LILRB2: variants seen among roughly 807,000 people sequenced by gnomAD.
LILRB2 encodes leukocyte immunoglobulin-like receptor subfamily B member 2.
In LILRB2, 47 loss-of-function variants were observed where a neutral mutation model predicts 72.7. The ratio of observed to expected loss-of-function variants is 0.65; its 90% confidence interval spans 0.51 to 0.82. The LOEUF (loss-of-function observed/expected upper bound fraction) is 0.82. LILRB2 is among the 40% of genes least tolerant of loss of function. The probability of loss-of-function intolerance (pLI) is 0.00; values close to 1 mark genes in which losing one functional copy is unlikely to be tolerated. For synonymous variants in LILRB2, 279 were observed against 313.7 expected (o/e 0.89, Z 1.17); for missense variants, 767 against 764.8 (o/e 1.00, Z -0.03).
In LILRB2 at chr19:54,277,614, G is replaced by C. The variant is rs759535414; in HGVS notation, c.1310-17C>G. 7.7e-6 allele frequency: 12 copies of C among 1,559,936 alleles called. No individual in the cohort carries two copies. Among genetic ancestry groups the C allele is most frequent in the Non-Finnish European group, 9.6e-6 (11 of 1,151,270 alleles). On this transcript the variant is annotated splice_polypyrimidine_tract_variant and intron_variant, in intron 8 of 13. Coordinates refer to ENST00000314446, the MANE Select transcript of LILRB2 (RefSeq NM_001080978.4). ...CCTCAGGGCCTGCTGGGTCAGGACG[G>C]GGAGGTGAGGGCTGGGGCTGCCCTG...
At chr19:54,277,721 C>T in intron 8 of LILRB2, 124 bp from the exon 9 acceptor site, 4 of 1,371,428 alleles carry the variant, frequency 2.9e-6, no homozygotes, top group South Asian at 1.3e-5. Flanking sequence ...CCCTCACCAG[C>T]CCAGCCTCAG....
In LILRB2 at chr19:54,279,550, G is replaced by A. The variant is rs144827631; in HGVS notation, c.453C>T (p.Gly151=). Residue 151 remains glycine (G), a synonymous_variant, in exon 5 of 14, where the codon GGC becomes GGT. Transcript: ENST00000314446. ...TLQCESQVAF[G]GFILCKEGED... ...CTCCTTCCTTACACAGAATGAAGCC[G>A]CCAAATGCCACCTGTGACTCACACT... The A allele has an allele frequency of 1.3e-4, 215 of 1,612,860 alleles. 1 individual carries two copies. Among genetic ancestry groups the A allele is most frequent in the Middle Eastern group, 8.3e-4 (5 of 6,060 alleles).
intron 8 of LILRB2, 57 bp from the exon 9 acceptor site, chr19:54,277,654 C>CTGGGG: frequency 6.5e-7 from 1 of 1,533,756 alleles, no homozygotes; most frequent in Non-Finnish European, 8.8e-7. Flanking sequence ...CCACATCAGC[C>CTGGGG]CGGCTGCTCC....
chr19:54,280,180 C>G (rs2080483327), intron 3 of LILRB2, 84 bp downstream of exon 3: 2 of 1,612,486 alleles, frequency 1.2e-6, no homozygotes, highest in Admixed American at 3.3e-5. Flanking sequence ...TCCAGAACTT[C>G]TAATCCCCAT....
In LILRB2 at chr19:54,274,812, G is replaced by T; in HGVS notation, c.1665C>A (p.Ala555=). The change falls in exon 14 of 14, where the codon GCC becomes GCA. Residue 555 remains alanine (A), a synonymous_variant. Coordinates refer to ENST00000314446, the MANE Select transcript of LILRB2 (RefSeq NM_001080978.4). The part of the protein sequence containing the change: ...EMDTRAAASE[A]PQDVTYAQLH... Reference sequence around the variant, plus strand: ...GCTGGGCGTAGGTCACATCCTGGGGGGCTTCAGATGCAGCAGCCTGCAGCG... The same window carrying T: ...GCTGGGCGTAGGTCACATCCTGGGGTGCTTCAGATGCAGCAGCCTGCAGCG... 1 of 1,613,112 alleles carries T rather than the reference G, an allele frequency of 6.2e-7. No individual in the cohort carries two copies. Among genetic ancestry groups the T allele is most frequent in the Non-Finnish European group, 8.5e-7 (1 of 1,179,854 alleles).
At position 54,280,266 on chromosome 19, in the gene LILRB2, GTCTGCAC is replaced by G; in HGVS notation, c.61_67del (p.Val21GlnfsTer16). ...GGGAGAGCTGGGGACAGACTCACCT[GTCTGCAC>G]GCGGGTCCTGGGGCCCAGACTCAGC... On this transcript the variant is annotated frameshift_variant, in exon 3 of 14. Coordinates refer to ENST00000314446, the MANE Select transcript of LILRB2 (RefSeq NM_001080978.4). LOFTEE classifies it high-confidence loss of function. 6.2e-7 allele frequency: 1 copy of G among 1,614,034 alleles called. No homozygotes were observed. Among genetic ancestry groups the G allele is most frequent in the Non-Finnish European group, 8.5e-7 (1 of 1,179,980 alleles).
At chr19:54,279,765 G>A (rs1037480465) in intron 4 of LILRB2, 26 bp downstream of exon 4, 1 of 1,613,090 alleles carries the variant, frequency 6.2e-7, no homozygotes, top group South Asian at 1.1e-5. Flanking sequence ...AGAGCCTGGG[G>A]CTGGGATCCC....
chr19:54,277,473 G>A (rs2080288660), intron 9 of LILRB2, 77 bp downstream of exon 9: 1 of 1,539,176 alleles, frequency 6.5e-7, no homozygotes, highest in Non-Finnish European at 8.8e-7. Context: ...ACCTCCAGAG[G>A]AGCCTGAACC....
Position 54,278,527 on chromosome 19 carries a change from G to C in LILRB2, c.991C>G (p.Pro331Ala), listed in dbSNP as rs1263601514. ...IRGTPFISVQ[P>A]GPTVASGENV... ...TCTCCTGAGGCCACTGTGGGGCCTG[G>C]CTGCACTGAGATGAAGGGTGTGCCA... The change falls in exon 7 of 14, where the codon CCA (proline) becomes GCA (alanine). Residue 331 changes from proline (P) to alanine (A), a missense_variant. Coordinates refer to ENST00000314446, the MANE Select transcript of LILRB2 (RefSeq NM_001080978.4). The C allele has an allele frequency of 3.1e-6, 5 of 1,614,124 alleles. No individual in the cohort carries two copies. Among genetic ancestry groups the C allele is most frequent in the Non-Finnish European group, 4.2e-6 (5 of 1,180,040 alleles).
At chr19:54,277,645 C>T (rs780644981) in intron 8 of LILRB2, 48 bp from the exon 9 acceptor site, 1 of 1,540,610 alleles carries the variant, frequency 6.5e-7, no homozygotes, top group African/African-American at 1.4e-5. Flanking sequence ...CCCTGCTCCC[C>T]ACATCAGCCC....
chr19:54,278,089 T>G (rs1412036361), intron 7 of LILRB2, 150 bp from the exon 8 acceptor site: 6 of 1,129,766 alleles, frequency 5.3e-6, no homozygotes, highest in East Asian at 2.6e-5. Flanking sequence ...TGCCGCTGAG[T>G]GTGCGCAGGC....
At chr19:54,276,138 G>A (rs2080210692) in intron 12 of LILRB2, 126 bp downstream of exon 12, 1 of 1,557,260 alleles carries the variant, frequency 6.4e-7, no homozygotes, top group Non-Finnish European at 8.8e-7. Flanking sequence ...AGGTCCCACA[G>A]TGTGGGGTGA....
chr19:54,276,440 A>G lies in LILRB2; in HGVS notation c.1497T>C (p.Asp499=). The change falls in exon 11 of 14, where the codon GAT becomes GAC. Residue 499 remains aspartate, a synonymous_variant. Transcript: ENST00000314446. The part of the protein sequence containing the change: ...KHWTSTQRKA[D]FQHPAGAVGP... Reference sequence around the variant, plus strand: ...CCACAGCCCCTGCAGGATGTTGGAAATCAGCCTTTCTCTGGGCTGGGGGAA... The same window carrying G: ...CCACAGCCCCTGCAGGATGTTGGAAGTCAGCCTTTCTCTGGGCTGGGGGAA... The G allele has an allele frequency of 6.3e-7, 1 of 1,595,118 alleles. No homozygotes were observed.
rs2147736285 is a variant in LILRB2, at chr19:54,273,826, T to C, written c.*857A>G. On this transcript the variant is annotated 3_prime_UTR_variant, in exon 14 of 14. Transcript: ENST00000314446. Reference sequence around the variant, plus strand: ...ACTTCCTGAACTGGAGTTGATACGATGGGAACATTTTTATTACAGTCAATG... The same window carrying C: ...ACTTCCTGAACTGGAGTTGATACGACGGGAACATTTTTATTACAGTCAATG... The C allele has an allele frequency of 6.6e-6, 1 of 151,998 alleles. No individual in the cohort carries two copies. Among genetic ancestry groups the C allele is most frequent in the African/African-American group, 2.4e-5 (1 of 41,426 alleles). 9.4% of individuals were successfully genotyped at this position (151,998 alleles called of 1,614,324 possible). A position where few individuals can be genotyped will look rare whatever the true frequency, so the allele number is the denominator to read the frequency against.
chr19:54,277,519 G>C (rs565888183), intron 9 of LILRB2, 31 bp downstream of exon 9: 5 of 1,540,408 alleles, frequency 3.2e-6, no homozygotes, highest in Non-Finnish European at 4.4e-6. Context: ...CCGGGACCCC[G>C]CCCACCTCCC....
chr19:54,277,200 C>T (rs2080275263), intron 9 of LILRB2: 3 of 1,531,946 alleles, frequency 2.0e-6, no homozygotes, highest in East Asian at 2.5e-5. Context: ...AGAGCCGAGC[C>T]CCGGAGCTGC....
chr19:54,275,848 C>G (rs1277178160), intron 13 of LILRB2, 103 bp downstream of exon 13: 1 of 1,442,774 alleles, frequency 6.9e-7, no homozygotes, highest in South Asian at 1.1e-5. Context: ...AGGGGTCCAC[C>G]GTGACGATGC....
chr19:54,277,919 G>A lies in LILRB2; in HGVS notation c.1279C>T (p.Pro427Ser), dbSNP rs148321423. ...VVSGPSMGSS[P>S]PPTGPISTPG... ...GTGGAGATGGGACCGGTGGGTGGGG[G>A]GCTGGAACCCATGGAGGGTCCTGGG... The change falls in exon 8 of 14, where the codon CCC becomes TCC. Residue 427 changes from proline (P) to serine (S), a missense_variant. By Grantham distance (74) the Pro-to-Ser change is moderately conservative. Around this residue, in one of 3 missense-constraint regions of LILRB2, gnomAD observed 599 missense variants for 568.2 expected, o/e 1.05. Coordinates refer to ENST00000314446, the MANE Select transcript of LILRB2 (RefSeq NM_001080978.4). 4.2e-4 allele frequency: 653 copies of A among 1,539,662 alleles called. 2 individuals carry two copies. The African/African-American group carries it at 6.3e-3, about 15-fold the overall frequency.
chr19:54,279,991 C>T lies in LILRB2; in HGVS notation c.155G>A (p.Ser52Asn). ...TAGACGGTACTCCTGGGCTTCAAGGCTCCCCTGACAACTGAGGGTGACGGG... is the reference window on the plus strand; with the variant it reads ...TAGACGGTACTCCTGGGCTTCAAGGTTCCCCTGACAACTGAGGGTGACGGG... ...GSPVTLSCQG[S>N]LEAQEYRLYR... Residue 52 changes from serine (S) to asparagine (N), a missense_variant, in exon 4 of 14, where the codon AGC becomes AAC. Ser to Asn is a conservative substitution (Grantham distance 46, BLOSUM62 1). This residue lies in a region of LILRB2 where 599 missense variants were observed against 568.2 expected (regional missense o/e 1.05). Transcript: ENST00000314446. 13 of 1,614,120 alleles carry T rather than the reference C, an allele frequency of 8.1e-6. No homozygotes were observed. Among genetic ancestry groups the T allele is most frequent in the Non-Finnish European group, 9.3e-6 (11 of 1,179,998 alleles).
Sources: gnomAD v4.1 joint callset for allele counts on GRCh38, gnomAD v4.1.1 for gene constraint, gnomAD v4.1.1 regional missense constraint, MANE v1.5 for transcripts, NCBI Gene and HGNC (gene_info 2026-07-23, HGNC 2026-07-21) for gene names.